PCCA: variants seen among roughly 807,000 people sequenced by gnomAD.
PCCA encodes propionyl-CoA carboxylase subunit alpha.
A neutral mutation model predicts 101.3 loss-of-function variants in PCCA; 74 were observed. That is an observed-to-expected ratio of 0.73 (90% CI 0.61 to 0.89). The LOEUF (loss-of-function observed/expected upper bound fraction) is 0.89. Ranked by LOEUF, PCCA falls within the 40% of genes least tolerant of loss-of-function variation. PCCA has a pLI of 0.00. For missense variants in PCCA, 891 were observed against 907.0 expected, an observed-to-expected ratio of 0.98 and a Z score of 0.23; for synonymous variants, 294 against 313.6, an observed-to-expected ratio of 0.94 and a Z score of 0.66.
intron 4 of PCCA, among the ~76,000 whole-genome samples, chr13:100,138,295 A>G (rs1448889871): frequency 1.3e-5 from 2 of 152,100 alleles, no homozygotes; most frequent in Non-Finnish European, 2.9e-5. Context: ...ATTGATTATA[A>G]TATACATACT....
chr13:100,326,229 G>A (rs1044779299), intron 16 of PCCA, among the ~76,000 whole-genome samples: 2 of 152,266 alleles, frequency 1.3e-5, no homozygotes, highest in African/African-American at 4.8e-5. Flanking sequence ...GTGGAGTGGG[G>A]GTTGAAGGGT....
chr13:100,388,456 C>T (rs2076633077), intron 19 of PCCA, among the ~76,000 whole-genome samples: 1 of 151,980 alleles, frequency 6.6e-6, no homozygotes. Flanking sequence ...AGAGTGAGAC[C>T]CCATCTCAAA....
chr13:100,309,652 G>C (rs1009033053), intron 15 of PCCA, among the ~76,000 whole-genome samples, 181 bp from the exon 16 acceptor site: 2 of 152,024 alleles, frequency 1.3e-5, no homozygotes, highest in Admixed American at 6.6e-5. Flanking sequence ...GAAATAGCTT[G>C]ATTCTAATAT....
At chr13:100,145,536 A>T (rs888965421) in intron 4 of PCCA, among the ~76,000 whole-genome samples, 2 of 152,190 alleles carry the variant, frequency 1.3e-5, no homozygotes, top group African/African-American at 4.8e-5. Flanking sequence ...AGGTGTGGTC[A>T]GTGGAGTTGT....
intron 18 of PCCA, among the ~76,000 whole-genome samples, chr13:100,342,455 A>T (rs2071521000): frequency 6.6e-6 from 1 of 151,840 alleles, no homozygotes; most frequent in Non-Finnish European, 1.5e-5. Context: ...TTCAGTAGAG[A>T]TGGGGTTTCA....
chr13:100,356,481 G>T (rs1179870710), intron 18 of PCCA, among the ~76,000 whole-genome samples: 2 of 151,996 alleles, frequency 1.3e-5, no homozygotes, highest in Non-Finnish European at 2.9e-5. Context: ...TATAGAAATG[G>T]CCAATAAGCC....
chr13:100,205,762 T>C (rs1178869826), intron 6 of PCCA, among the ~76,000 whole-genome samples: 1 of 152,134 alleles, frequency 6.6e-6, no homozygotes, highest in Non-Finnish European at 1.5e-5. Flanking sequence ...CTGCCTGGCA[T>C]AGTCGTTTTT....
chr13:100,093,075 G>A (rs951684510), intron 1 of PCCA, among the ~76,000 whole-genome samples: 1 of 152,176 alleles, frequency 6.6e-6, no homozygotes, highest in African/African-American at 2.4e-5. Flanking sequence ...TTGTTTAAAT[G>A]ATTCCAAACT....
At chr13:100,121,382 A>C (rs1172166140) in intron 4 of PCCA, among the ~76,000 whole-genome samples, 1 of 150,008 alleles carries the variant, frequency 6.7e-6, no homozygotes, top group Non-Finnish European at 1.5e-5. Flanking sequence ...CTGGTCTCGA[A>C]CTCCTGACCT....
At chr13:100,440,013 A>C (rs1010902208) in intron 20 of PCCA, among the ~76,000 whole-genome samples, 6 of 151,832 alleles carry the variant, frequency 4.0e-5, no homozygotes, top group Non-Finnish European at 5.9e-5. Flanking sequence ...TCTATATTGA[A>C]TAGGTCTTTG....
intron 19 of PCCA, among the ~76,000 whole-genome samples, chr13:100,370,227 G>A (rs192613280): frequency 6.6e-6 from 1 of 151,834 alleles, no homozygotes; most frequent in East Asian, 1.9e-4. Context: ...TGGGACTACA[G>A]GTGCATGCCA....
At chr13:100,231,046 C>G (rs941581390) in intron 7 of PCCA, among the ~76,000 whole-genome samples, 2 of 152,192 alleles carry the variant, frequency 1.3e-5, no homozygotes, top group African/African-American at 2.4e-5. Flanking sequence ...TCTAAGGTGT[C>G]TTTTCAGTTA....
chr13:100,101,184 T>C (rs1319212821), intron 1 of PCCA, among the ~76,000 whole-genome samples: 1 of 152,226 alleles, frequency 6.6e-6, no homozygotes, highest in South Asian at 2.1e-4. Flanking sequence ...CAAGTTCACA[T>C]GTGTGCAAGC....
At chr13:100,467,576 T>C (rs2082630248) in intron 21 of PCCA, among the ~76,000 whole-genome samples, 1 of 152,202 alleles carries the variant, frequency 6.6e-6, no homozygotes. Flanking sequence ...TTCACCCTGT[T>C]AGCCAGGATC....
intron 21 of PCCA, among the ~76,000 whole-genome samples, chr13:100,500,215 C>T (rs995551254): frequency 2.0e-5 from 3 of 152,096 alleles, no homozygotes; most frequent in African/African-American, 4.8e-5. Flanking sequence ...GATTGTAGTA[C>T]GGTTGAAAGT....
intron 12 of PCCA, among the ~76,000 whole-genome samples, chr13:100,277,923 T>G (rs1277119517): frequency 6.6e-6 from 1 of 152,228 alleles, no homozygotes; most frequent in Non-Finnish European, 1.5e-5. Flanking sequence ...ATAATGTGGC[T>G]GATTTTCCTT....
chr13:100,460,323 G>A (rs2082085426), intron 21 of PCCA, among the ~76,000 whole-genome samples: 1 of 152,152 alleles, frequency 6.6e-6, no homozygotes, highest in South Asian at 2.1e-4. Flanking sequence ...CCATTTTATT[G>A]CAAATTTTTA....
At chr13:100,500,934 G>A (rs1041763481) in intron 21 of PCCA, among the ~76,000 whole-genome samples, 3 of 152,176 alleles carry the variant, frequency 2.0e-5, no homozygotes, top group South Asian at 2.1e-4. Flanking sequence ...ACAAGGTCAC[G>A]AGTTTGAGAC....
chr13:100,384,894 AATT>A (rs2076416499), intron 19 of PCCA, among the ~76,000 whole-genome samples: 1 of 152,278 alleles, frequency 6.6e-6, no homozygotes, highest in South Asian at 2.1e-4. Flanking sequence ...AAAGGACTAT[AATT>A]CTATTTAGAA....
Sources: allele counts gnomAD v4.1 joint callset (sites outside exome capture counted in the v4.1 genomes callset), GRCh38; gene constraint gnomAD v4.1.1; transcripts MANE v1.5; gene names NCBI Gene and HGNC (gene_info 2026-07-23, HGNC 2026-07-21).